Variants in LRIG2 observed in about 807,000 individuals in gnomAD.
The protein encoded by LRIG2 is leucine rich repeats and immunoglobulin like domains 2.
A neutral mutation model predicts 107.8 loss-of-function variants in LRIG2; 93 were observed. The ratio of observed to expected loss-of-function variants is 0.86; its 90% CI spans 0.73 to 1.03. The LOEUF is 1.03. Among genes scored for constraint, LRIG2 ranks in the 50% least tolerant of loss-of-function variants. The pLI is 0.00. For synonymous variants in LRIG2, 471 were observed against 470.6 expected, an observed-to-expected ratio of 1.00 and a Z score of -0.01; for missense variants, 1,226 against 1,296.0, an observed-to-expected ratio of 0.95 and a Z score of 0.83.
At chr1:113,073,671 A>G in intron 1 of LRIG2, 26 bp downstream of exon 1, 2 of 1,593,436 alleles carry the variant, frequency 1.3e-6, no homozygotes, top group Non-Finnish European at 1.7e-6. Flanking sequence ...AGGCAGAGTG[A>G]CCAAAAGGAG....
At chr1:113,104,282 C>G (rs1216857325) in intron 11 of LRIG2, among the ~76,000 whole-genome samples, 1 of 152,178 alleles carries the variant, frequency 6.6e-6, no homozygotes, top group East Asian at 1.9e-4. Context: ...CACTGCTAGA[C>G]TTTTTCCTTC....
In LRIG2 at chr1:113,073,214, T is replaced by TCAGGCCGTGTGTCC. The variant is rs1295697580; in HGVS notation, c.-184_-171dup. On this transcript the variant is annotated 5_prime_UTR_variant, in exon 1 of 18. Transcript: ENST00000361127. ...GGGAGGGGCGGACGAGAGGTGTCCG[T>TCAGGCCGTGTGTCC]CAGGCCGTGTGTCCCAGGCCGTCGA... The TCAGGCCGTGTGTCC allele has an allele frequency of 5.1e-6, 3 of 593,368 alleles. No homozygotes were observed. The highest frequency in any genetic ancestry group is 3.7e-5 in the African/African-American group (2 of 54,110). The allele number at this position is 593,368 out of a possible 1,614,324, so 36.8% of individuals were successfully genotyped here. A position where few individuals can be genotyped will look rare whatever the true frequency, so the allele number is the denominator to read the frequency against.
At chr1:113,079,971 G>A (rs902989629) in intron 1 of LRIG2, among the ~76,000 whole-genome samples, 7 of 148,174 alleles carry the variant, frequency 4.7e-5, no homozygotes, top group Non-Finnish European at 7.4e-5. Context: ...CTCGTGATCC[G>A]CCTGCCTCAG....
rs528951926 is a variant in LRIG2 at position 113,126,375 on chromosome 1, C to T, written c.*2274C>T. On this transcript the variant is annotated 3_prime_UTR_variant, in exon 18 of 18. Coordinates refer to ENST00000361127, the MANE Select transcript of LRIG2 (RefSeq NM_014813.3). ...GCTCCTGCTTCTCAGTCTTCTCTGA[C>T]CTCTGGTAAGTGGAACTTTCATTAA... is the stretch of plus-strand genomic sequence containing the variant. The T allele has an allele frequency of 4.9e-4, 84 of 172,304 alleles. No homozygotes were observed. Among genetic ancestry groups the T allele is most frequent in the Admixed American group, 3.5e-3 (62 of 17,792 alleles). 10.7% of individuals were successfully genotyped at this position (172,304 alleles called of 1,614,324 possible). A position where few individuals can be genotyped will look rare whatever the true frequency, so the allele number is the denominator to read the frequency against.
At chr1:113,087,073 GT>G (rs1291778084) in intron 1 of LRIG2, among the ~76,000 whole-genome samples, 1 of 152,198 alleles carries the variant, frequency 6.6e-6, no homozygotes, top group Admixed American at 6.5e-5. Flanking sequence ...AGCCTGGGAG[GT>G]GAAGGCTGTA....
At chr1:113,115,388 T>A (rs1654961633) in intron 15 of LRIG2, among the ~76,000 whole-genome samples, 2 of 152,112 alleles carry the variant, frequency 1.3e-5, no homozygotes, top group Admixed American at 1.3e-4. Flanking sequence ...GTTTTTATAT[T>A]TTTAGTAGAG....
chr1:113,085,104 CT>C (rs1358730557), intron 1 of LRIG2, among the ~76,000 whole-genome samples: 1 of 152,120 alleles, frequency 6.6e-6, no homozygotes, highest in Non-Finnish European at 1.5e-5. Flanking sequence ...ATCTCTTCTC[CT>C]TTTGCCTTCC....
intron 1 of LRIG2, among the ~76,000 whole-genome samples, chr1:113,081,633 G>A (rs1034778683): frequency 3.9e-5 from 6 of 151,956 alleles, no homozygotes; most frequent in Admixed American, 2.0e-4. Flanking sequence ...CAATTCTCCT[G>A]CCTCAGCCTC....
intron 16 of LRIG2, among the ~76,000 whole-genome samples, chr1:113,117,619 G>A (rs1181784548): frequency 6.6e-6 from 1 of 151,936 alleles, no homozygotes; most frequent in Non-Finnish European, 1.5e-5. Flanking sequence ...AAGTAGCTGG[G>A]ATTACAGGTG....
Position 113,112,540 on chromosome 1 carries a change from A to AT in LRIG2, c.1862dup (p.Leu621PhefsTer22), listed in dbSNP as rs762946403. On this transcript the variant is annotated frameshift_variant, in exon 14 of 18. Transcript: ENST00000361127. LOFTEE classifies it high-confidence loss of function. ...CTATTCGCACTGGTGCCATGGCCAG[A>AT]TTAGAATGTGCTGCAGAGGGACACC... The AT allele has an allele frequency of 4.3e-6, 7 of 1,614,130 alleles. No individual in the cohort carries two copies. The highest frequency in any genetic ancestry group is 5.9e-6 in the Non-Finnish European group (7 of 1,179,982).
At chr1:113,111,828 G>C (rs1654786319) in intron 13 of LRIG2, among the ~76,000 whole-genome samples, 1 of 152,070 alleles carries the variant, frequency 6.6e-6, no homozygotes, top group Non-Finnish European at 1.5e-5. Flanking sequence ...ACATTTTTGA[G>C]ATGGACTCTC....
intron 9 of LRIG2, among the ~76,000 whole-genome samples, 191 bp downstream of exon 9, chr1:113,098,976 G>A (rs1318942052): frequency 1.3e-5 from 2 of 152,104 alleles, no homozygotes; most frequent in African/African-American, 4.8e-5. Context: ...TGTATCCCAG[G>A]CTGGGATGCA....
chr1:113,087,415 C>CTT (rs1230213331), intron 1 of LRIG2, among the ~76,000 whole-genome samples: 1 of 152,132 alleles, frequency 6.6e-6, no homozygotes, highest in Admixed American at 6.6e-5. Context: ...GTGGCACGAT[C>CTT]GCAGCTCACT....
In LRIG2 at chr1:113,126,573, A is replaced by G. The variant is rs1333421192; in HGVS notation, c.*2472A>G. 2.0e-5 allele frequency: 3 copies of G among 152,270 alleles called. No homozygotes were observed. The highest frequency in any genetic ancestry group is 4.8e-5 in the African/African-American group (2 of 41,458). The allele number at this position is 152,270 out of a possible 1,614,324, so 9.4% of individuals were successfully genotyped here. ...ATTATTAAGGATAAAATTGATCCCT[A>G]CATTGAATCTGAAATTACCACTATA... On this transcript the variant is annotated 3_prime_UTR_variant, in exon 18 of 18. Transcript: ENST00000361127.
At chr1:113,086,731 C>T (rs1653573483) in intron 1 of LRIG2, among the ~76,000 whole-genome samples, 1 of 152,174 alleles carries the variant, frequency 6.6e-6, no homozygotes, top group Non-Finnish European at 1.5e-5. Flanking sequence ...CACATGATAT[C>T]AAGGACATTA....
At chr1:113,108,447 C>T (rs1654630269) in intron 12 of LRIG2, among the ~76,000 whole-genome samples, 1 of 151,598 alleles carries the variant, frequency 6.6e-6, no homozygotes, top group Admixed American at 6.6e-5. Flanking sequence ...TGGTCTTGAA[C>T]TCCTGACCTC....
intron 12 of LRIG2, among the ~76,000 whole-genome samples, chr1:113,109,350 A>G (rs942498400): frequency 2.6e-5 from 4 of 152,246 alleles, no homozygotes; most frequent in South Asian, 4.1e-4. Flanking sequence ...TCCTAAGCCA[A>G]TCTTCAGCTG....
intron 7 of LRIG2, 32 bp from the exon 8 acceptor site, chr1:113,096,190 A>C: frequency 1.2e-6 from 2 of 1,605,056 alleles, no homozygotes; most frequent in Non-Finnish European, 1.7e-6. Context: ...AAATACAATG[A>C]ATTCCTTACC....
intron 11 of LRIG2, 61 bp from the exon 12 acceptor site, chr1:113,107,533 C>A: frequency 1.3e-6 from 2 of 1,492,708 alleles, no homozygotes; most frequent in South Asian, 1.2e-5. Context: ...GGTTTTAATA[C>A]TGAAGACGTT....
Sources: allele counts gnomAD v4.1 joint callset (sites outside exome capture counted in the v4.1 genomes callset), GRCh38; gene constraint gnomAD v4.1.1; transcripts MANE v1.5; gene names NCBI Gene and HGNC (gene_info 2026-07-23, HGNC 2026-07-21).